The following NALF1 variants were observed in gnomAD, a reference collection of about 807,000 sequenced individuals.
NALF1 encodes the protein family with sequence similarity 155 member A.
Under a neutral mutation model 48.4 loss-of-function variants are expected in NALF1, and 3 were observed. That is an observed-to-expected ratio of 0.06 (90% CI 0.03 to 0.16). NALF1 has a LOEUF of 0.16. Ranked by LOEUF, NALF1 falls within the 10% of genes least tolerant of loss-of-function variation. The pLI is 1.00. For synonymous variants in NALF1, 262 were observed against 245.7 expected (o/e 1.07, Z -0.62); for missense variants, 526 against 571.5 (o/e 0.92, Z 0.81).
At chr13:107,345,824 G>A (rs554106232) in intron 1 of NALF1, among the ~76,000 whole-genome samples, 7 of 152,238 alleles carry the variant, frequency 4.6e-5, no homozygotes, top group Non-Finnish European at 7.4e-5. Flanking sequence ...CCTATGGATT[G>A]AGAAAAAATA....
In NALF1 at chr13:107,861,559, C is replaced by A. The variant is rs140586139; in HGVS notation, c.915+4123G>T. ...CAGCACTTTGGGAGGCCAAGGCGGG[C>A]AGATCACGAGGTCAGGAGATCGAGA... On this transcript the variant is annotated intron_variant, in intron 1 of 2. Coordinates refer to ENST00000375915, the MANE Select transcript of NALF1 (RefSeq NM_001080396.3). Among the ~76,000 whole-genome samples, 291 of 152,318 alleles carry A rather than the reference C, an allele frequency of 1.9e-3. 4 individuals carry two copies. In the East Asian group the frequency reaches 0.019, roughly 10 times the overall value.
rs546291364 is a variant in NALF1, at chr13:107,637,950, T to C, written c.915+227732A>G. ...CTTGACTTAGAGAGTCAAATTAGCCTTAGAAACGTCACCATGGTGAGTGCA... is the reference window on the plus strand; with the variant it reads ...CTTGACTTAGAGAGTCAAATTAGCCCTAGAAACGTCACCATGGTGAGTGCA... On this transcript the variant is annotated intron_variant, in intron 1 of 2. Coordinates refer to ENST00000375915, the MANE Select transcript of NALF1 (RefSeq NM_001080396.3). Among the ~76,000 whole-genome samples, 13 of 151,962 alleles carry C rather than the reference T, an allele frequency of 8.6e-5. 1 individual carries two copies. In the South Asian group the frequency reaches 2.7e-3, roughly 32 times the overall value.
At chr13:107,462,378 C>CA (rs1328789968) in intron 1 of NALF1, among the ~76,000 whole-genome samples, 4 of 152,238 alleles carry the variant, frequency 2.6e-5, no homozygotes, top group Admixed American at 2.6e-4. Context: ...ATGCATATTA[C>CA]ATATATTTGA....
At chr13:107,756,383 T>C (rs888965828) in intron 1 of NALF1, among the ~76,000 whole-genome samples, 1 of 150,676 alleles carries the variant, frequency 6.6e-6, no homozygotes, top group Non-Finnish European at 1.5e-5. Context: ...GGATGTAGGG[T>C]AGAGACTAGC....
rs547303807 is a variant in NALF1, at chr13:107,648,502, G to A, written c.915+217180C>T. 3.9e-5 allele frequency among the ~76,000 whole-genome samples: 6 copies of A among 152,016 alleles called. No homozygotes were observed. The East Asian group carries it at 7.7e-4, about 20-fold the overall frequency. On this transcript the variant is annotated intron_variant, in intron 1 of 2. Coordinates refer to ENST00000375915, the MANE Select transcript of NALF1 (RefSeq NM_001080396.3). ...ATTTAATGTTTATCTGTGTCTTTTC[G>A]CAGCTTGATAACTCATTTCTTTTGA...
intron 1 of NALF1, among the ~76,000 whole-genome samples, chr13:107,774,918 A>C (rs1594258300): frequency 6.6e-6 from 1 of 152,296 alleles, no homozygotes; most frequent in East Asian, 1.9e-4. Flanking sequence ...TGTGTCTTAG[A>C]GATCACATCA....
At chr13:107,345,547 C>A (rs935854351) in intron 1 of NALF1, among the ~76,000 whole-genome samples, 1 of 152,066 alleles carries the variant, frequency 6.6e-6, no homozygotes, top group Admixed American at 6.6e-5. Flanking sequence ...AAAGTCTACA[C>A]AATATGGAAA....
intron 1 of NALF1, among the ~76,000 whole-genome samples, chr13:107,262,965 G>A (rs978798334): frequency 6.6e-6 from 1 of 152,180 alleles, no homozygotes; most frequent in Non-Finnish European, 1.5e-5. Flanking sequence ...TGCGTGTATA[G>A]GAATGATTCA....
chr13:107,490,773 A>T (rs1443045110), intron 1 of NALF1, among the ~76,000 whole-genome samples: 1 of 152,186 alleles, frequency 6.6e-6, no homozygotes, highest in Non-Finnish European at 1.5e-5. Context: ...TTACTCTTCA[A>T]GTTTATGGTG....
intron 1 of NALF1, among the ~76,000 whole-genome samples, chr13:107,228,246 G>A (rs1411233746): frequency 2.0e-5 from 3 of 152,112 alleles, no homozygotes; most frequent in Admixed American, 6.6e-5. Flanking sequence ...TCATTCTACT[G>A]ACATAGTCAT....
At chr13:107,174,651 G>C (rs1193990717) in intron 2 of NALF1, among the ~76,000 whole-genome samples, 13 of 151,950 alleles carry the variant, frequency 8.6e-5, no homozygotes, top group Admixed American at 8.5e-4. Flanking sequence ...CACCGTGCCC[G>C]GCCAGGATGG....
At position 107,693,733 on chromosome 13, in the gene NALF1, G is replaced by A. The variant is rs114150436; in HGVS notation, c.915+171949C>T. Among the ~76,000 whole-genome samples the A allele has an allele frequency of 8.3e-3, 1,254 of 151,522 alleles. 12 individuals are homozygous for A. Among genetic ancestry groups the A allele is most frequent in the African/African-American group, 0.022 (911 of 41,278 alleles). On this transcript the variant is annotated intron_variant, in intron 1 of 2. Transcript: ENST00000375915. Reference sequence around the variant, plus strand: ...CCACAGAACTTGGACCATATGAATCGAATATAAAATGTTTCCCCCTCAAAA... The same window carrying A: ...CCACAGAACTTGGACCATATGAATCAAATATAAAATGTTTCCCCCTCAAAA...
intron 1 of NALF1, among the ~76,000 whole-genome samples, chr13:107,678,022 CT>C (rs1373666622): frequency 6.6e-6 from 1 of 152,198 alleles, no homozygotes; most frequent in East Asian, 1.9e-4. Context: ...GGCCCAAAAT[CT>C]TTTCAGTTAA....
At chr13:107,532,145 C>A (rs542075727) in intron 1 of NALF1, among the ~76,000 whole-genome samples, 136 of 152,168 alleles carry the variant, frequency 8.9e-4, no homozygotes, top group African/African-American at 3.0e-3. Flanking sequence ...AAGTTTCTTG[C>A]AGACAACCAA....
At chr13:107,534,338 C>A (rs1233575325) in intron 1 of NALF1, among the ~76,000 whole-genome samples, 1 of 151,932 alleles carries the variant, frequency 6.6e-6, no homozygotes, top group Non-Finnish European at 1.5e-5. Context: ...TATTTTGATG[C>A]ATATTAACAT....
chr13:107,726,913 TTGTGTGTGTGTGTGTGTGTG>T (rs1171461096), intron 1 of NALF1, among the ~76,000 whole-genome samples: 15 of 126,400 alleles, frequency 1.2e-4, no homozygotes, highest in Admixed American at 4.1e-4. Flanking sequence ...CGGCAAATTC[TTGTGTGTGTGTGTGTGTGTG>T]TGTGTGTGTG....
intron 1 of NALF1, among the ~76,000 whole-genome samples, chr13:107,733,109 T>C (rs966587276): frequency 6.6e-6 from 1 of 151,326 alleles, no homozygotes; most frequent in South Asian, 2.1e-4. Context: ...TGTAAATATA[T>C]CGGACATTTC....
At chr13:107,664,299 A>G (rs1011177504) in intron 1 of NALF1, among the ~76,000 whole-genome samples, 1 of 152,130 alleles carries the variant, frequency 6.6e-6, no homozygotes, top group African/African-American at 2.4e-5. Context: ...TTACAACCCA[A>G]TGGCTTCTCA....
At chr13:107,364,922 C>G (rs1883125504) in intron 1 of NALF1, among the ~76,000 whole-genome samples, 1 of 114,082 alleles carries the variant, frequency 8.8e-6, no homozygotes. Context: ...TCCCTCTCCC[C>G]TGCCCCCTCC....
Sources: allele counts gnomAD v4.1 joint callset (sites outside exome capture counted in the v4.1 genomes callset), GRCh38; gene constraint gnomAD v4.1.1; transcripts MANE v1.5; gene names NCBI Gene and HGNC (gene_info 2026-07-23, HGNC 2026-07-21).